The following EPG5 variants were observed in gnomAD, a reference collection of about 807,000 sequenced individuals.
The protein encoded by EPG5 is ectopic P-granules 5 autophagy tethering factor.
EPG5 carries 159 observed loss-of-function variants against 302.7 expected under a neutral mutation model. The observed-to-expected ratio is 0.53, with a 90% CI of 0.46 to 0.60. The LOEUF is 0.60. Ranked by LOEUF, EPG5 falls within the 20% of genes least tolerant of loss-of-function variation. EPG5 has a pLI of 0.00. For missense variants in EPG5, 2,896 were observed against 3,092.4 expected (o/e 0.94, Z 1.51); for synonymous variants, 1,158 against 1,136.8 (o/e 1.02, Z -0.37).
At chr18:45,876,510 G>A (rs1407883728) in intron 34 of EPG5, among the ~76,000 whole-genome samples, 168 bp from the exon 35 acceptor site, 2 of 152,142 alleles carry the variant, frequency 1.3e-5, no homozygotes, top group East Asian at 1.9e-4. Context: ...ATTGTAGCTT[G>A]TAACACCAGC....
At chr18:45,946,598 C>G in intron 7 of EPG5, 65 bp downstream of exon 7, 1 of 1,237,932 alleles carries the variant, frequency 8.1e-7, no homozygotes, top group African/African-American at 1.5e-5. Context: ...GTGCTTAGAA[C>G]AATACTTGGT....
intron 10 of EPG5, among the ~76,000 whole-genome samples, chr18:45,938,627 C>T (rs535539666): frequency 1.3e-5 from 2 of 152,076 alleles, no homozygotes; most frequent in African/African-American, 4.8e-5. Flanking sequence ...AAGAAAAACC[C>T]CCACTTACAT....
At chr18:45,935,093 G>T in intron 10 of EPG5, 127 bp from the exon 11 acceptor site, 2 of 964,236 alleles carry the variant, frequency 2.1e-6, no homozygotes, top group Non-Finnish European at 3.0e-6. Flanking sequence ...ATATGCTTTA[G>T]TCATAAACAC....
intron 24 of EPG5, 106 bp downstream of exon 24, chr18:45,907,852 T>C: frequency 1.8e-6 from 2 of 1,083,422 alleles, no homozygotes; most frequent in South Asian, 1.8e-5. Context: ...TCTGAGTGAC[T>C]ACCCATTTTC....
intron 42 of EPG5, among the ~76,000 whole-genome samples, chr18:45,856,559 T>A (rs1384846792): frequency 6.6e-6 from 1 of 152,236 alleles, no homozygotes; most frequent in Non-Finnish European, 1.5e-5. Flanking sequence ...TTTTAAGTTA[T>A]GTGTATTTTA....
chr18:45,949,638 T>C (rs1180924909), intron 4 of EPG5, 47 bp from the exon 5 acceptor site: 3 of 1,294,112 alleles, frequency 2.3e-6, no homozygotes, highest in African/African-American at 3.0e-5. Context: ...ATAAAAGAAA[T>C]AATTTATCTA....
At chr18:45,836,932 G>T in the EPG5 span, 2 of 747,860 alleles carry the variant, frequency 2.7e-6, no homozygotes, top group Non-Finnish European at 4.9e-6. Context: ...CTGAACGCTG[G>T]CTTGGCCTCA....
chr18:45,930,590 T>C (rs1488272900), intron 12 of EPG5, 86 bp downstream of exon 12: 8 of 1,148,314 alleles, frequency 7.0e-6, no homozygotes, highest in Non-Finnish European at 9.7e-6. Flanking sequence ...AGTCACAATT[T>C]GTAAAAGCAA....
In EPG5 at chr18:45,852,280, AACACACAC is replaced by A. The variant is rs112643058; in HGVS notation, c.*179_*186del. ...CCCAGAAGGTCTTAAGAGCTAAGAA[AACACACAC>A]ACACACACACACACACCCCAAAATT... On this transcript the variant is annotated 3_prime_UTR_variant, in exon 44 of 44. Transcript: ENST00000282041. 6.1e-6 allele frequency: 3 copies of A among 488,390 alleles called. No individual in the cohort carries two copies. The highest frequency in any genetic ancestry group is 1.1e-5 in the Non-Finnish European group (3 of 279,964). The allele number at this position is 488,390 out of a possible 1,614,324, so 30.3% of individuals were successfully genotyped here.
intron 35 of EPG5, among the ~76,000 whole-genome samples, chr18:45,871,351 C>T (rs2048868414): frequency 6.6e-6 from 1 of 152,002 alleles, no homozygotes; most frequent in Admixed American, 6.6e-5. Context: ...TTAGTACAAC[C>T]ATTATGGAAA....
intron 3 of EPG5, 52 bp from the exon 4 acceptor site, chr18:45,951,290 A>C (rs577479626): frequency 9.7e-5 from 127 of 1,310,730 alleles, no homozygotes; most frequent in Non-Finnish European, 1.2e-4. Context: ...TTTTTGGGGG[A>C]ATTTTTAGTG....
Position 45,899,442 on chromosome 18 carries a change from C to T in EPG5, c.4771G>A (p.Gly1591Ser), listed in dbSNP as rs370120497. Residue 1591 changes from glycine to serine, a missense_variant, in exon 27 of 44, where the codon GGT becomes AGT. By Grantham distance (56) the Gly-to-Ser change is moderately conservative (BLOSUM62 0). Coordinates refer to ENST00000282041, the MANE Select transcript of EPG5 (RefSeq NM_020964.3). ...ACTGCGGCTCCTTGGCATTTCTTAC[C>T]GCTGCTGCCTCTGCACTCCAAATGT... ...TLHLECRGSS[G>S]KKCQGAAVVT... 1.5e-5 allele frequency: 24 copies of T among 1,613,980 alleles called. No individual in the cohort carries two copies. Among genetic ancestry groups the T allele is most frequent in the Admixed American group, 3.3e-5 (2 of 59,994 alleles).
the EPG5 span, chr18:45,837,901 G>A: frequency 6.7e-7 from 1 of 1,499,588 alleles, no homozygotes; most frequent in East Asian, 2.8e-5. Flanking sequence ...TGACAGGCGA[G>A]GCGGCGTGGG....
chr18:45,904,111 A>T lies in EPG5; in HGVS notation c.4336T>A (p.Trp1446Arg). 6.2e-7 allele frequency: 1 copy of T among 1,610,850 alleles called. No individual in the cohort carries two copies. Among genetic ancestry groups the T allele is most frequent in the Non-Finnish European group, 8.5e-7 (1 of 1,179,332 alleles). The part of the protein sequence containing the change: ...AKVMQNQQDL[W>R]MEYLNMERIY... ...CGCTCCATGTTCAAATACTCCATCCACAGATCCTGAAACAGAACGACAGTA... is the reference window on the plus strand; with the variant it reads ...CGCTCCATGTTCAAATACTCCATCCTCAGATCCTGAAACAGAACGACAGTA... Residue 1446 changes from tryptophan to arginine, a missense_variant, in exon 25 of 44, where the codon TGG (tryptophan) becomes AGG (arginine). By Grantham distance (101) the Trp-to-Arg change is moderately radical. Coordinates refer to ENST00000282041, the MANE Select transcript of EPG5 (RefSeq NM_020964.3).
intron 34 of EPG5, among the ~76,000 whole-genome samples, 171 bp from the exon 35 acceptor site, chr18:45,876,513 A>C (rs1304458203): frequency 6.6e-6 from 1 of 152,212 alleles, no homozygotes; most frequent in African/African-American, 2.4e-5. Context: ...GTAGCTTGTA[A>C]CACCAGCCAT....
the EPG5 span, among the ~76,000 whole-genome samples, chr18:45,806,480 C>T: frequency 6.6e-6 from 1 of 152,042 alleles, no homozygotes; most frequent in Admixed American, 6.6e-5. Context: ...CTGAAGGAAG[C>T]AGATTGCCTG....
At chr18:45,867,526 C>A in intron 37 of EPG5, 37 bp downstream of exon 37, 1 of 1,573,508 alleles carries the variant, frequency 6.4e-7, no homozygotes, top group Non-Finnish European at 8.7e-7. Flanking sequence ...ATCTAAGCAG[C>A]CTTGCCGAAT....
At chr18:45,962,292 G>A (rs975880780) in intron 1 of EPG5, among the ~76,000 whole-genome samples, 1 of 152,156 alleles carries the variant, frequency 6.6e-6, no homozygotes, top group East Asian at 1.9e-4. Flanking sequence ...GAGATTCAAA[G>A]GTTTTTCCTG....
At chr18:45,822,298 T>C in the EPG5 span, among the ~76,000 whole-genome samples, 2 of 152,168 alleles carry the variant, frequency 1.3e-5, no homozygotes, top group African/African-American at 4.8e-5. Context: ...AACAAAAAGT[T>C]AAATACTGCA....
Sources: gnomAD v4.1 joint callset for allele counts (sites outside exome capture counted in the v4.1 genomes callset) on GRCh38, gnomAD v4.1.1 for gene constraint, MANE v1.5 for transcripts, NCBI Gene and HGNC (gene_info 2026-07-23, HGNC 2026-07-21) for gene names.